The following FAM200B variants were observed in gnomAD, a reference collection of about 807,000 sequenced individuals.
FAM200B encodes zinc finger BED-type containing 11.
A neutral mutation model predicts 33.1 loss-of-function variants in FAM200B; 32 were observed. That is an observed-to-expected ratio of 0.97 (90% CI 0.73 to 1.30). The LOEUF is 1.30. FAM200B is among the 50% of genes most tolerant of loss of function. FAM200B has a pLI of 0.00. For missense variants in FAM200B, 741 were observed against 754.0 expected (o/e 0.98, Z 0.20); for synonymous variants, 240 against 264.8 (o/e 0.91, Z 0.91).
At chr4:15,642,371 T>G in the FAM200B span, among the ~76,000 whole-genome samples, 1 of 151,908 alleles carries the variant, frequency 6.6e-6, no homozygotes, top group Non-Finnish European at 1.5e-5. Context: ...TAGCTGGGAC[T>G]ACAGGTGCCC....
At chr4:15,649,578 CAA>C in the FAM200B span, among the ~76,000 whole-genome samples, 35 of 81,368 alleles carry the variant, frequency 4.3e-4, no homozygotes, top group African/African-American at 7.5e-4. Flanking sequence ...GACTACGTCT[CAA>C]AAAAAAAAAA....
At chr4:15,636,832 T>C in the FAM200B span, among the ~76,000 whole-genome samples, 2 of 152,204 alleles carry the variant, frequency 1.3e-5, no homozygotes, top group South Asian at 2.1e-4. Context: ...AGAGGTAACA[T>C]GGGGATGTTA....
the FAM200B span, among the ~76,000 whole-genome samples, chr4:15,658,438 T>G: frequency 1.3e-5 from 2 of 152,130 alleles, no homozygotes; most frequent in South Asian, 2.1e-4. Context: ...CTTTAAGAGG[T>G]GATTGGGTCA....
upstream of FAM200B, among the ~76,000 whole-genome samples, chr4:15,676,834 C>T (rs1718012224): frequency 6.6e-6 from 1 of 152,120 alleles, no homozygotes; most frequent in Non-Finnish European, 1.5e-5. Flanking sequence ...CTGTTAAGTA[C>T]ATGTTACCTA....
At chr4:15,654,141 T>G in the FAM200B span, among the ~76,000 whole-genome samples, 6,941 of 152,326 alleles carry the variant, frequency 0.046, 258 homozygotes, top group South Asian at 0.087. Flanking sequence ...GGCTGAGCTA[T>G]GAAACACCCC....
the FAM200B span, among the ~76,000 whole-genome samples, chr4:15,668,305 A>T: frequency 6.6e-6 from 1 of 151,780 alleles, no homozygotes; most frequent in East Asian, 1.9e-4. Context: ...ATTACACTTG[A>T]ACCACATTTT....
At chr4:15,652,534 G>C in the FAM200B span, among the ~76,000 whole-genome samples, 1 of 152,082 alleles carries the variant, frequency 6.6e-6, no homozygotes, top group African/African-American at 2.4e-5. Context: ...GTATTAAATC[G>C]GGTATTGTAC....
chr4:15,659,586 G>T, the FAM200B span: 1 of 230,422 alleles, frequency 4.3e-6, no homozygotes, highest in Non-Finnish European at 7.2e-6. Context: ...TTGAAGAGAA[G>T]TTTAGATAAT....
chr4:15,660,428 A>T, the FAM200B span, among the ~76,000 whole-genome samples: 1 of 152,170 alleles, frequency 6.6e-6, no homozygotes, highest in Non-Finnish European at 1.5e-5. Context: ...AAAATCCCCA[A>T]TTACACAAGA....
the FAM200B span, chr4:15,655,482 G>GGC: frequency 2.6e-6 from 2 of 759,660 alleles, no homozygotes; most frequent in African/African-American, 3.8e-5. Flanking sequence ...CACGTGACCG[G>GGC]GCGCGCGCAG....
the FAM200B span, among the ~76,000 whole-genome samples, chr4:15,674,501 G>A: frequency 5.3e-5 from 8 of 151,880 alleles, no homozygotes; most frequent in South Asian, 2.1e-4. Flanking sequence ...TCCATTTTAC[G>A]TTTATATATT....
At chr4:15,637,457 T>C in the FAM200B span, among the ~76,000 whole-genome samples, 2 of 152,368 alleles carry the variant, frequency 1.3e-5, no homozygotes, top group Non-Finnish European at 2.9e-5. Flanking sequence ...GTACTTTATA[T>C]ATCTGATTTG....
the FAM200B span, among the ~76,000 whole-genome samples, chr4:15,647,073 A>C: frequency 1.3e-5 from 2 of 151,686 alleles, no homozygotes; most frequent in Non-Finnish European, 2.9e-5. Context: ...AAACACAAAA[A>C]TTAGCAGGGA....
At chr4:15,665,705 C>T in the FAM200B span, among the ~76,000 whole-genome samples, 1 of 152,006 alleles carries the variant, frequency 6.6e-6, no homozygotes. Context: ...GCAGAAATAA[C>T]GTTTATCTGA....
At chr4:15,653,619 C>A in the FAM200B span, among the ~76,000 whole-genome samples, 7 of 151,258 alleles carry the variant, frequency 4.6e-5, no homozygotes, top group Admixed American at 1.3e-4. Flanking sequence ...TTAGTCTTCA[C>A]TTCCACTTTC....
the FAM200B span, among the ~76,000 whole-genome samples, chr4:15,640,178 T>C: frequency 1.5e-3 from 231 of 152,194 alleles, 2 homozygotes; most frequent in Non-Finnish European, 1.8e-3. Flanking sequence ...GTAGCTGAGA[T>C]GACAGGCACA....
In FAM200B at chr4:15,689,050, G is replaced by A. The variant is rs1719172929; in HGVS notation, c.*99G>A. 6.7e-6 allele frequency: 6 copies of A among 894,568 alleles called. No individual in the cohort carries two copies. The East Asian group carries it at 2.0e-4, about 29-fold the overall frequency. The allele number at this position is 894,568 out of a possible 1,614,324, so 55.4% of individuals were successfully genotyped here. ...GGTACTATAATACTGTGATACTTTT[G>A]TTATGTTTTAATTTTTGTTATATTT... is the stretch of plus-strand genomic sequence containing the variant. On this transcript the variant is annotated 3_prime_UTR_variant, in exon 2 of 2. Transcript: ENST00000422728.
chr4:15,672,864 G>C, the FAM200B span, among the ~76,000 whole-genome samples: 1 of 152,002 alleles, frequency 6.6e-6, no homozygotes, highest in African/African-American at 2.4e-5. Flanking sequence ...ATGTTGTACA[G>C]CTGTACAAAA....
At chr4:15,676,751 T>G (rs1285483689), upstream of FAM200B, among the ~76,000 whole-genome samples, 1 of 152,168 alleles carries the variant, frequency 6.6e-6, no homozygotes, top group Non-Finnish European at 1.5e-5. Flanking sequence ...GTTGGGTTCA[T>G]TATACAATTC....
Sources: gnomAD v4.1 joint callset for allele counts (sites outside exome capture counted in the v4.1 genomes callset) on GRCh38, gnomAD v4.1.1 for gene constraint, MANE v1.5 for transcripts, NCBI Gene and HGNC (gene_info 2026-07-23, HGNC 2026-07-21) for gene names.